The following PUS7 variants were observed in gnomAD, a reference collection of about 807,000 sequenced individuals.
PUS7 encodes pseudouridine synthase 7, also known as pseudouridylate synthase 7 homolog.
PUS7 carries 48 observed loss-of-function variants against 79.8 expected under a neutral mutation model. The observed-to-expected ratio is 0.60, with a 90% CI of 0.48 to 0.76. PUS7 has a LOEUF of 0.76. Among genes scored for constraint, PUS7 ranks in the 30% least tolerant of loss-of-function variants. The pLI is 0.00. For synonymous variants in PUS7, 286 were observed against 272.2 expected (o/e 1.05, Z -0.50); for missense variants, 729 against 797.6 (o/e 0.91, Z 1.04).
At chr7:105,514,914 C>T (rs896783401) in intron 1 of PUS7, among the ~76,000 whole-genome samples, 1 of 151,894 alleles carries the variant, frequency 6.6e-6, no homozygotes, top group African/African-American at 2.4e-5. Context: ...GCCTCAGCCT[C>T]CTCCCGAGTA....
At chr7:105,485,329 C>T (rs1414854132) in intron 7 of PUS7, among the ~76,000 whole-genome samples, 1 of 152,232 alleles carries the variant, frequency 6.6e-6, no homozygotes, top group Non-Finnish European at 1.5e-5. Context: ...CCTGCCTCGG[C>T]CTCCCGAGTA....
At chr7:105,484,434 G>C (rs1366786905) in intron 7 of PUS7, among the ~76,000 whole-genome samples, 2 of 150,986 alleles carry the variant, frequency 1.3e-5, no homozygotes, top group East Asian at 1.9e-4. Context: ...GGCCAACACA[G>C]CAAGATCCCA....
At chr7:105,474,948 A>G (rs535724121) in intron 9 of PUS7, among the ~76,000 whole-genome samples, 1 of 152,350 alleles carries the variant, frequency 6.6e-6, no homozygotes, top group Admixed American at 6.5e-5. Flanking sequence ...AGAGCTCAGT[A>G]CCTGCAACAA....
rs754392662 is a variant in PUS7, at chr7:105,511,442, T to TA, written c.-32-2899dup. On this transcript the variant is annotated intron_variant, in intron 1 of 15. Transcript: ENST00000469408. ...GTACATTTAAGAATAAATTTTCATT[T>TA]AAAAAAAAAAAAAAAAAGTGGTTGG... Among the ~76,000 whole-genome samples, 491 of 106,812 alleles carry TA rather than the reference T, an allele frequency of 4.6e-3. 2 individuals carry two copies. Among genetic ancestry groups the TA allele is most frequent in the African/African-American group, 0.011 (371 of 35,036 alleles). 70.1% of individuals were successfully genotyped at this position (106,812 alleles called of 152,430 possible). A position where few individuals can be genotyped will look rare whatever the true frequency, so the allele number is the denominator to read the frequency against.
At chr7:105,479,373 A>T (rs1405399856) in intron 9 of PUS7, among the ~76,000 whole-genome samples, 1 of 152,176 alleles carries the variant, frequency 6.6e-6, no homozygotes, top group Non-Finnish European at 1.5e-5. Context: ...TCTACTCCCA[A>T]ACTAAAGCCA....
chr7:105,489,647 T>C (rs1209853718), intron 7 of PUS7, among the ~76,000 whole-genome samples: 1 of 152,134 alleles, frequency 6.6e-6, no homozygotes, highest in Non-Finnish European at 1.5e-5. Flanking sequence ...ATCATGCCAC[T>C]GTCTCAAGGT....
chr7:105,457,669 C>G lies in PUS7; in HGVS notation c.*121G>C. The G allele has an allele frequency of 1.0e-6, 1 of 1,002,738 alleles. No homozygotes were observed. Among genetic ancestry groups the G allele is most frequent in the Non-Finnish European group, 1.4e-6 (1 of 716,982 alleles). 62.1% of individuals were successfully genotyped at this position (1,002,738 alleles called of 1,614,324 possible). On this transcript the variant is annotated 3_prime_UTR_variant, in exon 16 of 16. Coordinates refer to ENST00000469408, the MANE Select transcript of PUS7 (RefSeq NM_019042.5). ...TTAAGCTAATAAAAACTTAAAAATA[C>G]AAATAATTTTTATTACAAAGATTTG...
chr7:105,517,582 T>C (rs1825945667), intron 1 of PUS7, among the ~76,000 whole-genome samples: 1 of 152,202 alleles, frequency 6.6e-6, no homozygotes, highest in Admixed American at 6.5e-5. Flanking sequence ...ACCCTTTTCA[T>C]TAAAATACTA....
chr7:105,473,133 T>TTTA (rs1823942040), intron 9 of PUS7, among the ~76,000 whole-genome samples: 1 of 152,166 alleles, frequency 6.6e-6, no homozygotes, highest in South Asian at 2.1e-4. Context: ...TCTCAAAAGA[T>TTTA]TTATCTATGT....
At chr7:105,494,148 C>G (rs1281717261) in intron 6 of PUS7, among the ~76,000 whole-genome samples, 1 of 152,188 alleles carries the variant, frequency 6.6e-6, no homozygotes, top group African/African-American at 2.4e-5. Flanking sequence ...CTGGCAAAAC[C>G]AACCTCTGCA....
chr7:105,518,271 C>T (rs182163675), intron 1 of PUS7, among the ~76,000 whole-genome samples: 1 of 152,154 alleles, frequency 6.6e-6, no homozygotes, highest in East Asian at 1.9e-4. Context: ...CGTGATGGTG[C>T]CACTACACTT....
chr7:105,481,252 C>T (rs540259950), intron 8 of PUS7, 75 bp from the exon 9 acceptor site: 30 of 1,346,492 alleles, frequency 2.2e-5, no homozygotes, highest in East Asian at 5.1e-5. Flanking sequence ...TAAATGACTA[C>T]GGCCTGGCTT....
In PUS7 at chr7:105,470,565, A is replaced by C. The variant is rs1823831211; in HGVS notation, c.1398+123T>G. 8.5e-6 allele frequency: 10 copies of C among 1,175,398 alleles called. 1 individual carries two copies. In the South Asian group the frequency reaches 1.8e-4, roughly 21 times the overall value. The allele number at this position is 1,175,398 out of a possible 1,614,324, so 72.8% of individuals were successfully genotyped here. A position where few individuals can be genotyped will look rare whatever the true frequency, so the allele number is the denominator to read the frequency against. ...AGACTACTCAGGTGAAACACCTCAG[A>C]GATCACCAAAGGATCCTTATTTACC... On this transcript the variant is annotated intron_variant, in intron 11 of 15. Coordinates refer to ENST00000469408, the MANE Select transcript of PUS7 (RefSeq NM_019042.5).
chr7:105,457,805 TG>T lies in PUS7; in HGVS notation c.1970del (p.Thr657LysfsTer49). On this transcript the variant is annotated frameshift_variant, in exon 16 of 16. Transcript: ENST00000469408. LOFTEE classifies it high-confidence loss of function. The stretch of plus-strand genomic sequence containing the variant: ...AAGGTACTGCTCAGCGAAGCCAGGT[TG>T]TATTCAGCTGCGTCTGGTTCTTGAT... ...TSIKNQTQLN[T>X]TWLR 1 of 1,614,062 alleles carries T rather than the reference TG, an allele frequency of 6.2e-7. No homozygotes were observed. The highest frequency in any genetic ancestry group is 8.5e-7 in the Non-Finnish European group (1 of 1,179,944).
rs373010348 is a variant in PUS7, at chr7:105,508,527, G to A, written c.-15C>T. On this transcript the variant is annotated 5_prime_UTR_variant, in exon 2 of 16. Coordinates refer to ENST00000469408, the MANE Select transcript of PUS7 (RefSeq NM_019042.5). ...GTCATCTCCATCTTTAAGGCTCCAAGAAAACATTTAAGAAAACCTGTTAGG... is the reference window on the plus strand; with the variant it reads ...GTCATCTCCATCTTTAAGGCTCCAAAAAAACATTTAAGAAAACCTGTTAGG... 2 of 1,601,156 alleles carry A rather than the reference G, an allele frequency of 1.2e-6. No homozygotes were observed. The highest frequency in any genetic ancestry group is 1.1e-5 in the South Asian group (1 of 89,024).
At chr7:105,512,110 A>G (rs1313314028) in intron 1 of PUS7, among the ~76,000 whole-genome samples, 1 of 133,382 alleles carries the variant, frequency 7.5e-6, no homozygotes, top group Non-Finnish European at 1.5e-5. Context: ...GCACCACTGC[A>G]CTCCAGCCTG....
At chr7:105,507,698 C>A (rs1005711400) in intron 2 of PUS7, among the ~76,000 whole-genome samples, 3 of 151,998 alleles carry the variant, frequency 2.0e-5, no homozygotes, top group Admixed American at 6.6e-5. Context: ...CCCATCACCA[C>A]GCCCAGCTAA....
chr7:105,471,550 G>C (rs915964537), intron 10 of PUS7, among the ~76,000 whole-genome samples: 1 of 152,172 alleles, frequency 6.6e-6, no homozygotes, highest in Non-Finnish European at 1.5e-5. Context: ...TGGTGCTCAC[G>C]CCTGTAATCC....
chr7:105,476,175 T>C (rs1824103488), intron 9 of PUS7, among the ~76,000 whole-genome samples: 1 of 151,462 alleles, frequency 6.6e-6, no homozygotes, highest in Non-Finnish European at 1.5e-5. Context: ...GCTTACATAT[T>C]CCATTGTATG....
Sources: allele counts gnomAD v4.1 joint callset (sites outside exome capture counted in the v4.1 genomes callset), GRCh38; gene constraint gnomAD v4.1.1; transcripts MANE v1.5; gene names NCBI Gene and HGNC (gene_info 2026-07-23, HGNC 2026-07-21).